The following ANOS1 variants were observed in gnomAD, a reference collection of about 807,000 sequenced individuals.
The protein encoded by ANOS1 is anosmin-1.
In ANOS1, 6 loss-of-function variants were observed where a neutral mutation model predicts 59.0. That is an observed-to-expected ratio of 0.10 (90% CI 0.06 to 0.20). ANOS1 has a LOEUF of 0.20. ANOS1 is among the 10% of genes least tolerant of loss of function. The probability of loss-of-function intolerance (pLI) is 1.00; values close to 1 mark genes in which losing one functional copy is unlikely to be tolerated. For synonymous variants in ANOS1, 217 were observed against 223.4 expected (o/e 0.97, Z 0.25); for missense variants, 433 against 542.3 (o/e 0.80, Z 2.00).
At chrX:8,693,126 T>C (rs1171122288) in intron 2 of ANOS1, among the ~76,000 whole-genome samples, 2 of 112,619 alleles carry the variant, frequency 1.8e-5, no homozygotes, top group African/African-American at 6.4e-5. Flanking sequence ...CTAAGTGGGC[T>C]TTTAGGGAAA....
chrX:8,588,067 T>C (rs1930552009), intron 4 of ANOS1, 89 bp from the exon 5 acceptor site: 7 of 829,730 alleles, frequency 8.4e-6, no homozygotes, highest in East Asian at 3.4e-5. Flanking sequence ...AAGAGATGAA[T>C]CTGATCTGAT....
In ANOS1 at chrX:8,597,162, T is replaced by A; in HGVS notation, c.413A>T (p.Glu138Val). 1.7e-6 allele frequency: 2 copies of A among 1,211,751 alleles called. No homozygotes were observed. The highest frequency in any genetic ancestry group is 2.2e-6 in the Non-Finnish European group (2 of 895,494). ...LVKQGDCPAP[E>V]KASGFAAACV... Reference sequence around the variant, plus strand: ...GGCGGCCGCAAATCCACTGGCTTTCTCAGGAGCCGGACAGTCCCCCTGCTT... The same window carrying A: ...GGCGGCCGCAAATCCACTGGCTTTCACAGGAGCCGGACAGTCCCCCTGCTT... The change falls in exon 4 of 14, where the codon GAG becomes GTG. Residue 138 changes from glutamate to valine, a missense_variant. By Grantham distance (121) the Glu-to-Val change is moderately radical. Transcript: ENST00000262648.
rs778918851 is a variant in ANOS1 at position 8,667,282 on chromosome X, T to TTTTG, written c.255+32412_255+32415dup. 8.2e-5 allele frequency among the ~76,000 whole-genome samples: 9 copies of TTTTG among 110,232 alleles called. No homozygotes were observed. In the South Asian group the frequency reaches 1.2e-3, roughly 15 times the overall value. ...AACTCTTCTCTAATTTCCATAAAGC[T>TTTTG]TTTGTTTGTTTGTTTGTTTGTTTTT... On this transcript the variant is annotated intron_variant, in intron 2 of 13. Coordinates refer to ENST00000262648, the MANE Select transcript of ANOS1 (RefSeq NM_000216.4).
intron 2 of ANOS1, among the ~76,000 whole-genome samples, chrX:8,658,647 C>T (rs1241019438): frequency 8.9e-6 from 1 of 112,164 alleles, no homozygotes; most frequent in African/African-American, 3.2e-5. Context: ...ATAATTGTAG[C>T]CATGGAACAA....
intron 3 of ANOS1, among the ~76,000 whole-genome samples, chrX:8,618,088 C>T (rs180684430): frequency 3.5e-4 from 39 of 112,027 alleles, no homozygotes; most frequent in African/African-American, 1.2e-3. Flanking sequence ...ATCTCTTCTC[C>T]TTGTGTATGA....
intron 4 of ANOS1, among the ~76,000 whole-genome samples, chrX:8,593,153 A>C (rs1930650321): frequency 8.9e-6 from 1 of 112,241 alleles, no homozygotes; most frequent in African/African-American, 3.2e-5. Flanking sequence ...ATGTCCATTT[A>C]TTTAAAGGTT....
chrX:8,549,732 C>T (rs949556531), intron 9 of ANOS1, among the ~76,000 whole-genome samples: 4 of 112,368 alleles, frequency 3.6e-5, no homozygotes, highest in African/African-American at 1.3e-4. Context: ...CTCATTTATT[C>T]CACACAACAG....
chrX:8,640,033 G>C (rs1354257444), intron 2 of ANOS1, among the ~76,000 whole-genome samples: 1 of 110,767 alleles, frequency 9.0e-6, no homozygotes, highest in Non-Finnish European at 1.9e-5. Flanking sequence ...AATCAAAGCA[G>C]GGCAGTAGGG....
Position 8,731,913 on chromosome X carries a change from C to A in ANOS1, c.124G>T (p.Gly42Trp). The A allele has an allele frequency of 2.6e-6, 3 of 1,171,776 alleles. No individual in the cohort carries two copies. The highest frequency in any genetic ancestry group is 3.4e-6 in the Non-Finnish European group (3 of 877,876). The change falls in exon 1 of 14, where the codon GGG (glycine) becomes TGG (tryptophan). Residue 42 changes from glycine (G) to tryptophan (W), a missense_variant. By Grantham distance (184) the Gly-to-Trp change is radical (BLOSUM62 -2). Transcript: ENST00000262648. ...GCGCAGCGAGCGCGCTGGACGCTCC[C>A]GGCAGACAGCGACTCGTCCAGCCGC... ...ARRLDESLSA[G>W]SVQRARCASR...
chrX:8,693,478 G>A (rs1368162109), intron 2 of ANOS1, among the ~76,000 whole-genome samples: 2 of 111,148 alleles, frequency 1.8e-5, no homozygotes, highest in African/African-American at 3.3e-5. Context: ...AATAAGTTAC[G>A]AACATGAGAA....
At chrX:8,726,816 G>C (rs1569092729) in intron 1 of ANOS1, among the ~76,000 whole-genome samples, 1 of 112,257 alleles carries the variant, frequency 8.9e-6, no homozygotes, top group Non-Finnish European at 1.9e-5. Context: ...CACCTATAAA[G>C]AGACAGGGCT....
At chrX:8,551,002 G>A (rs1481663435) in intron 9 of ANOS1, among the ~76,000 whole-genome samples, 1 of 111,301 alleles carries the variant, frequency 9.0e-6, no homozygotes, top group African/African-American at 3.3e-5. Context: ...TAAGTCTCAT[G>A]AGATCTGATG....
intron 5 of ANOS1, among the ~76,000 whole-genome samples, chrX:8,586,670 C>T (rs1930514564): frequency 9.0e-6 from 1 of 111,177 alleles, no homozygotes; most frequent in Non-Finnish European, 1.9e-5. Flanking sequence ...TGAAAGCATG[C>T]CGTGTAAATC....
At chrX:8,635,685 T>C (rs1363364714) in intron 2 of ANOS1, among the ~76,000 whole-genome samples, 2 of 112,240 alleles carry the variant, frequency 1.8e-5, no homozygotes, top group Non-Finnish European at 3.8e-5. Flanking sequence ...GAAACTATTA[T>C]CTGTACATGT....
rs201253867 is a variant in ANOS1 at position 8,594,761 on chromosome X, TATATA to T, written c.541+2268_541+2272del. ...GTGTATATATATATACATATATATA[TATATA>T]TTTTTTTTTTGCAAAATAACAATCT... On this transcript the variant is annotated intron_variant, in intron 4 of 13. Coordinates refer to ENST00000262648, the MANE Select transcript of ANOS1 (RefSeq NM_000216.4). Among the ~76,000 whole-genome samples, 632 of 82,872 alleles carry T rather than the reference TATATA, an allele frequency of 7.6e-3. 32 individuals are homozygous for T. Among genetic ancestry groups the T allele is most frequent in the African/African-American group, 0.027 (589 of 22,049 alleles). 72.0% of individuals were successfully genotyped at this position (82,872 alleles called of 115,157 possible).
chrX:8,682,812 A>G (rs1341292096), intron 2 of ANOS1, among the ~76,000 whole-genome samples: 2 of 111,609 alleles, frequency 1.8e-5, no homozygotes, highest in Non-Finnish European at 3.8e-5. Context: ...GAAAATACAC[A>G]CACACAAAAA....
intron 1 of ANOS1, among the ~76,000 whole-genome samples, chrX:8,712,072 G>A (rs768603106): frequency 1.8e-5 from 2 of 112,343 alleles, no homozygotes; most frequent in African/African-American, 6.5e-5. Flanking sequence ...GGCTGAAAGA[G>A]CAGAAATTTA....
At chrX:8,715,173 T>C (rs1399068457) in intron 1 of ANOS1, among the ~76,000 whole-genome samples, 2 of 112,664 alleles carry the variant, frequency 1.8e-5, no homozygotes, top group East Asian at 5.6e-4. Flanking sequence ...TGGAATTAAA[T>C]GACTTTTTTT....
rs1476827105 is a variant in ANOS1, at chrX:8,531,627, G to A, written c.*1368C>T. On this transcript the variant is annotated 3_prime_UTR_variant, in exon 14 of 14. Transcript: ENST00000262648. The stretch of plus-strand genomic sequence containing the variant: ...TCTTTACTCACCATTGGTGAGCTAC[G>A]AAAACGATTTCTCCAGGGATTCATG... 1 of 111,288 alleles carries A rather than the reference G, an allele frequency of 9.0e-6. No individual in the cohort carries two copies. Among genetic ancestry groups the A allele is most frequent in the African/African-American group, 3.3e-5 (1 of 30,664 alleles). 9.2% of individuals were successfully genotyped at this position (111,288 alleles called of 1,213,427 possible). A position where few individuals can be genotyped will look rare whatever the true frequency, so the allele number is the denominator to read the frequency against.
Sources: gnomAD v4.1 joint callset for allele counts (sites outside exome capture counted in the v4.1 genomes callset) on GRCh38, gnomAD v4.1.1 for gene constraint, MANE v1.5 for transcripts, NCBI Gene and HGNC (gene_info 2026-07-23, HGNC 2026-07-21) for gene names.